Variants in ALK observed in about 807,000 individuals in gnomAD.
ALK encodes the protein ALK tyrosine kinase receptor.
Under a neutral mutation model 163.1 loss-of-function variants are expected in ALK, and 74 were observed. That is an observed-to-expected ratio of 0.45 (90% CI 0.38 to 0.55). The LOEUF (loss-of-function observed/expected upper bound fraction) is 0.55, where lower values mean the gene tolerates loss of function less well. ALK is among the 20% of genes least tolerant of loss of function. ALK has a pLI of 0.00. For synonymous variants in ALK, 960 were observed against 843.2 expected, an observed-to-expected ratio of 1.14 and a Z score of -2.40; for missense variants, 2,063 against 2,105.3, an observed-to-expected ratio of 0.98 and a Z score of 0.39.
chr2:29,246,104 G>C lies in ALK; in HGVS notation c.2204+5001C>G, dbSNP rs1435316648. 6.6e-6 allele frequency among the ~76,000 whole-genome samples: 1 copy of C among 152,146 alleles called. No individual in the cohort carries two copies. The highest frequency in any genetic ancestry group is 2.4e-5 in the African/African-American group (1 of 41,426). On this transcript the variant is annotated intron_variant, in intron 12 of 28. Coordinates refer to ENST00000389048, the MANE Select transcript of ALK (RefSeq NM_004304.5). This position sits in a 1 kb window ranked among gnomAD's most constrained non-coding sequence, Gnocchi z 4.3. ...GAGCTATGGGCCATGCTTGACAAAT[G>C]GTGTTATATACGATCTGTGTGTGTA...
chr2:29,535,775 C>T (rs979552701), intron 3 of ALK, among the ~76,000 whole-genome samples: 2 of 152,136 alleles, frequency 1.3e-5, no homozygotes, highest in African/African-American at 4.8e-5. Flanking sequence ...CCCAAACTGT[C>T]AGTAATTCTA....
intron 5 of ALK, among the ~76,000 whole-genome samples, chr2:29,367,044 C>T (rs11893367): frequency 0.15 from 23,265 of 151,968 alleles, 1,922 homozygotes; most frequent in African/African-American, 0.2. Flanking sequence ...GAGCTTGGGC[C>T]GTCCTCTTTT....
At chr2:29,338,887 C>T (rs1667704830) in intron 5 of ALK, among the ~76,000 whole-genome samples, 2 of 152,236 alleles carry the variant, frequency 1.3e-5, no homozygotes, top group African/African-American at 4.8e-5. Context: ...CCACCTTCCC[C>T]AGTCTCCATT....
At chr2:29,713,280 C>A (rs1679160068) in intron 2 of ALK, among the ~76,000 whole-genome samples, 1 of 152,184 alleles carries the variant, frequency 6.6e-6, no homozygotes, top group Admixed American at 6.5e-5. Context: ...TGCAAAGACT[C>A]TATTTCCAAA....
At chr2:29,244,737 T>A (rs1411697624) in intron 12 of ALK, among the ~76,000 whole-genome samples, 4 of 152,206 alleles carry the variant, frequency 2.6e-5, no homozygotes, top group Non-Finnish European at 1.5e-5. Flanking sequence ...TTTTCCTAAT[T>A]CCTCCATCTC....
intron 11 of ALK, among the ~76,000 whole-genome samples, chr2:29,274,647 G>A (rs369572071): frequency 3.3e-5 from 5 of 152,218 alleles, no homozygotes; most frequent in Admixed American, 2.0e-4. Context: ...AGCTCTGGGG[G>A]AACTGTGTTG....
chr2:29,532,325 C>T (rs1166229877), intron 3 of ALK, among the ~76,000 whole-genome samples: 3 of 152,182 alleles, frequency 2.0e-5, no homozygotes, highest in Non-Finnish European at 4.4e-5. Flanking sequence ...TGGCTGGAGA[C>T]ATAGGCCTTA....
At chr2:29,361,916 GCCC>G (rs1301144484) in intron 5 of ALK, among the ~76,000 whole-genome samples, 2 of 152,130 alleles carry the variant, frequency 1.3e-5, no homozygotes, top group Admixed American at 6.5e-5. Flanking sequence ...ATAATCTTTA[GCCC>G]ATCCTTTTTC....
At chr2:29,463,867 A>G (rs1156568548) in intron 4 of ALK, among the ~76,000 whole-genome samples, 1 of 152,218 alleles carries the variant, frequency 6.6e-6, no homozygotes. Flanking sequence ...TCCTAGATCC[A>G]AGGCTATGAA....
intron 1 of ALK, among the ~76,000 whole-genome samples, chr2:29,784,713 A>AACAACAAAAAC (rs145281816): frequency 2.0e-5 from 3 of 150,740 alleles, no homozygotes; most frequent in African/African-American, 7.3e-5. Context: ...ACAACAACAA[A>AACAACAAAAAC]AACAACAACA....
chr2:29,375,229 C>G (rs1286182682), intron 5 of ALK, among the ~76,000 whole-genome samples: 3 of 152,216 alleles, frequency 2.0e-5, no homozygotes, highest in Non-Finnish European at 4.4e-5. Flanking sequence ...CAAGGCACCT[C>G]CACAGCCACC....
At chr2:29,221,016 G>A (rs953455567) in intron 22 of ALK, 181 bp from the exon 23 acceptor site, 1 of 830,596 alleles carries the variant, frequency 1.2e-6, no homozygotes. Flanking sequence ...TGGTGAGCAG[G>A]TGGGAAGAAC....
intron 1 of ALK, among the ~76,000 whole-genome samples, chr2:29,856,379 G>A (rs767985874): frequency 8.9e-4 from 135 of 152,290 alleles, no homozygotes; most frequent in Non-Finnish European, 1.1e-3. Flanking sequence ...AAAATTACCC[G>A]AACTACTACC....
chr2:29,434,419 T>C (rs1166821369), intron 4 of ALK, among the ~76,000 whole-genome samples: 1 of 152,224 alleles, frequency 6.6e-6, no homozygotes, highest in Non-Finnish European at 1.5e-5. Context: ...TTCATATTGA[T>C]TGTTCTCTGA....
rs2148159350 is a variant in ALK, at chr2:29,214,011, T to A, written c.3716A>T (p.Tyr1239Phe). The A allele has an allele frequency of 6.2e-7, 1 of 1,613,810 alleles. No homozygotes were observed. The highest frequency in any genetic ancestry group is 8.5e-7 in the Non-Finnish European group (1 of 1,179,868). The change falls in exon 24 of 29, where the codon TAT becomes TTT. Residue 1239 changes from tyrosine (Y) to phenylalanine (F), a missense_variant. Physicochemically the swap from Tyr to Phe is conservative, Grantham distance 22. Around this residue, in one of 5 missense-constraint regions of ALK, gnomAD observed 83 missense variants for 139.7 expected, o/e 0.59. Coordinates refer to ENST00000389048, the MANE Select transcript of ALK (RefSeq NM_004304.5). ...GTGGATGAAGTGGTTTTCCTCCAAATACTGACAGCCACAGGCAATGTCCCG... is the reference window on the plus strand; with the variant it reads ...GTGGATGAAGTGGTTTTCCTCCAAAAACTGACAGCCACAGGCAATGTCCCG... ...VARDIACGCQ[Y>F]LEENHFIHRD...
At chr2:29,260,317 C>T (rs1665054252) in intron 11 of ALK, among the ~76,000 whole-genome samples, 1 of 152,206 alleles carries the variant, frequency 6.6e-6, no homozygotes, top group Admixed American at 6.5e-5. Context: ...TCTGACTCAT[C>T]CAATAAGCAC....
At chr2:29,573,464 G>A (rs1473969240) in intron 3 of ALK, among the ~76,000 whole-genome samples, 1 of 152,126 alleles carries the variant, frequency 6.6e-6, no homozygotes, top group East Asian at 1.9e-4. Context: ...GGGTTTAAAA[G>A]CAAACAAAAG....
intron 3 of ALK, among the ~76,000 whole-genome samples, chr2:29,634,685 C>T (rs1220089917): frequency 6.6e-6 from 1 of 152,182 alleles, no homozygotes; most frequent in African/African-American, 2.4e-5. Flanking sequence ...TAGTAAAAGA[C>T]TGACTACTTT....
chr2:29,867,967 C>T (rs927393097), intron 1 of ALK, among the ~76,000 whole-genome samples: 3 of 152,146 alleles, frequency 2.0e-5, no homozygotes, highest in African/African-American at 7.2e-5. Context: ...AGGTTACATA[C>T]AGAAGACATG....
Sources: allele counts gnomAD v4.1 joint callset (sites outside exome capture counted in the v4.1 genomes callset), GRCh38; gene constraint gnomAD v4.1.1; regional missense constraint gnomAD v4.1.1; non-coding constraint Gnocchi (gnomAD v3.1); transcripts MANE v1.5; gene names NCBI Gene and HGNC (gene_info 2026-07-23, HGNC 2026-07-21).